The following CTNNA3 variants were observed in gnomAD, a reference collection of about 807,000 sequenced individuals.
The protein encoded by CTNNA3 is catenin alpha 3, also known as catenin alpha-3.
Under a neutral mutation model 95.7 loss-of-function variants are expected in CTNNA3, and 76 were observed. The observed-to-expected ratio is 0.79, with a 90% CI of 0.66 to 0.96. The LOEUF is 0.96. CTNNA3 is among the 40% of genes least tolerant of loss of function. The pLI, the probability that CTNNA3 is intolerant of heterozygous loss-of-function variation, is 0.00. For synonymous variants in CTNNA3, 431 were observed against 374.4 expected (o/e 1.15, Z -1.74); for missense variants, 1,191 against 1,089.8 (o/e 1.09, Z -1.31).
At position 67,224,652 on chromosome 10, in the gene CTNNA3, G is replaced by A. The variant is rs184934884; in HGVS notation, c.580-4782C>T. On this transcript the variant is annotated intron_variant, in intron 5 of 17. Coordinates refer to ENST00000433211, the MANE Select transcript of CTNNA3 (RefSeq NM_013266.4). ...GAAGTTTCTGACCTTACCTGGAGCTGAGTCAATTTAAAGAGCCAAGCAAAA... is the reference window on the plus strand; with the variant it reads ...GAAGTTTCTGACCTTACCTGGAGCTAAGTCAATTTAAAGAGCCAAGCAAAA... Among the ~76,000 whole-genome samples the A allele has an allele frequency of 3.4e-4, 51 of 152,186 alleles. No individual in the cohort carries two copies. The East Asian group carries it at 7.2e-3, about 21-fold the overall frequency.
At chr10:66,523,520 A>G (rs1483830493) in intron 10 of CTNNA3, among the ~76,000 whole-genome samples, 3 of 152,216 alleles carry the variant, frequency 2.0e-5, no homozygotes, top group African/African-American at 7.2e-5. Flanking sequence ...CTAGAATTTT[A>G]GCCATATATC....
chr10:67,471,824 AT>A, intron 5 of CTNNA3, among the ~76,000 whole-genome samples: 2 of 152,314 alleles, frequency 1.3e-5, no homozygotes, highest in Middle Eastern at 6.8e-3. Context: ...TTATGTAACT[AT>A]TAAGGGCCAG....
chr10:66,206,415 G>T (rs1024189265), intron 13 of CTNNA3, among the ~76,000 whole-genome samples: 1 of 151,786 alleles, frequency 6.6e-6, no homozygotes. Context: ...GCCTAATTTC[G>T]TGGGACAACA....
chr10:66,103,332 G>A (rs1323623480), intron 13 of CTNNA3, 83 bp from the exon 14 acceptor site: 15 of 1,064,336 alleles, frequency 1.4e-5, no homozygotes, highest in African/African-American at 3.1e-5. Context: ...ACCTTAAAAG[G>A]GTAATCATAA....
intron 9 of CTNNA3, among the ~76,000 whole-genome samples, chr10:66,710,049 A>G (rs1336275651): frequency 6.6e-6 from 1 of 152,196 alleles, no homozygotes; most frequent in Non-Finnish European, 1.5e-5. Flanking sequence ...GGCCAATTGT[A>G]GCGACATAGA....
At chr10:66,713,294 C>T (rs1848352143) in intron 9 of CTNNA3, among the ~76,000 whole-genome samples, 1 of 152,220 alleles carries the variant, frequency 6.6e-6, no homozygotes. Flanking sequence ...GCCTCACTTC[C>T]CATCTCTCCT....
chr10:66,469,104 G>A (rs1455218736), intron 11 of CTNNA3, among the ~76,000 whole-genome samples: 5 of 151,904 alleles, frequency 3.3e-5, no homozygotes, highest in African/African-American at 9.7e-5. Flanking sequence ...AATAGTTTGT[G>A]CCAGGTATTG....
chr10:66,643,364 G>A (rs542321955), intron 9 of CTNNA3, among the ~76,000 whole-genome samples: 1 of 152,212 alleles, frequency 6.6e-6, no homozygotes, highest in Admixed American at 6.5e-5. Context: ...CTGGAAGCAT[G>A]TTATTAATCT....
chr10:67,089,082 C>T (rs1406019319), intron 7 of CTNNA3, among the ~76,000 whole-genome samples: 5 of 151,846 alleles, frequency 3.3e-5, no homozygotes, highest in Non-Finnish European at 7.4e-5. Flanking sequence ...GTACTACACA[C>T]CATTTTATAT....
chr10:66,036,778 C>T (rs1182186740), intron 15 of CTNNA3, among the ~76,000 whole-genome samples: 2 of 151,468 alleles, frequency 1.3e-5, no homozygotes, highest in Non-Finnish European at 2.9e-5. Context: ...ATTTACTTAG[C>T]AGTTGTTAAA....
rs138194683 is a variant in CTNNA3, at chr10:67,690,362, C to T, written c.-6+5638G>A. Among the ~76,000 whole-genome samples the T allele has an allele frequency of 0.043, 6,476 of 152,236 alleles. 651 individuals are homozygous for T. The East Asian group carries it at 0.44, about 10-fold the overall frequency. On this transcript the variant is annotated intron_variant, in intron 1 of 17. Coordinates refer to ENST00000433211, the MANE Select transcript of CTNNA3 (RefSeq NM_013266.4). ...TATTATGAAGAGTGAAAGAACAAAG[C>T]TTCCACAGTGTGGAAGGGGACCCGA...
intron 15 of CTNNA3, among the ~76,000 whole-genome samples, chr10:66,007,562 T>C (rs2078912220): frequency 6.6e-6 from 1 of 152,208 alleles, no homozygotes; most frequent in Non-Finnish European, 1.5e-5. Context: ...GATGTGTCCT[T>C]GCCTTAAAAA....
At chr10:67,524,045 A>T (rs1318474159) in intron 4 of CTNNA3, among the ~76,000 whole-genome samples, 1 of 152,116 alleles carries the variant, frequency 6.6e-6, no homozygotes. Context: ...TTTTTTCTTC[A>T]TATTTATCTC....
intron 9 of CTNNA3, among the ~76,000 whole-genome samples, chr10:66,691,042 G>T (rs1036674609): frequency 6.6e-6 from 1 of 152,264 alleles, no homozygotes; most frequent in African/African-American, 2.4e-5. Flanking sequence ...GCAGAAGACG[G>T]GTGATTTCTG....
rs540241429 is a variant in CTNNA3 at position 66,155,963 on chromosome 10, A to G, written c.1885-52714T>C. ...ACACAACAGAAAAAATGAACAAAAG[A>G]TTGAAAAGACACTTTATCAAAGAAT... On this transcript the variant is annotated intron_variant, in intron 13 of 17. Coordinates refer to ENST00000433211, the MANE Select transcript of CTNNA3 (RefSeq NM_013266.4). Among the ~76,000 whole-genome samples the G allele has an allele frequency of 4.6e-5, 7 of 152,062 alleles. No individual in the cohort carries two copies. In the East Asian group the frequency reaches 9.6e-4, roughly 21 times the overall value.
At chr10:66,529,450 G>T (rs12766024) in intron 10 of CTNNA3, among the ~76,000 whole-genome samples, 88,432 of 141,160 alleles carry the variant, frequency 0.63, 27,305 homozygotes, top group Middle Eastern at 0.73. Flanking sequence ...TTTTTTTTTT[G>T]TTTTTTTTTT....
intron 7 of CTNNA3, among the ~76,000 whole-genome samples, chr10:66,831,457 C>T (rs1044240360): frequency 6.6e-6 from 1 of 152,170 alleles, no homozygotes; most frequent in South Asian, 2.1e-4. Context: ...GCTTTCACTC[C>T]ACTAACTTTT....
intron 6 of CTNNA3, among the ~76,000 whole-genome samples, chr10:67,205,462 G>A (rs763367663): frequency 3.9e-5 from 6 of 152,118 alleles, no homozygotes; most frequent in East Asian, 1.9e-4. Flanking sequence ...AGGCATCAGA[G>A]TTTTGTAAAC....
chr10:66,955,763 G>T (rs1176477930), intron 7 of CTNNA3, among the ~76,000 whole-genome samples: 1 of 152,086 alleles, frequency 6.6e-6, no homozygotes. Flanking sequence ...TAGGTTACAA[G>T]AGTTTCTTCA....
Sources: gnomAD v4.1 joint callset for allele counts (sites outside exome capture counted in the v4.1 genomes callset) on GRCh38, gnomAD v4.1.1 for gene constraint, MANE v1.5 for transcripts, NCBI Gene and HGNC (gene_info 2026-07-23, HGNC 2026-07-21) for gene names.